Variants in NUMB observed in about 807,000 individuals in gnomAD.
NUMB encodes NUMB endocytic adaptor protein, also known as protein numb homolog.
Under a neutral mutation model 59.7 loss-of-function variants are expected in NUMB, and 29 were observed. The observed-to-expected ratio is 0.49, with a 90% CI of 0.36 to 0.66. The LOEUF (loss-of-function observed/expected upper bound fraction) is 0.66, where lower values mean the gene tolerates loss of function less well. Ranked by LOEUF, NUMB falls within the 30% of genes least tolerant of loss-of-function variation. The pLI is 0.00. For synonymous variants in NUMB, 288 were observed against 288.2 expected, an observed-to-expected ratio of 1.00 and a Z score of 0.01; for missense variants, 723 against 822.0, an observed-to-expected ratio of 0.88 and a Z score of 1.47.
chr14:73,361,223 G>C (rs1310744635), intron 3 of NUMB, among the ~76,000 whole-genome samples: 1 of 152,128 alleles, frequency 6.6e-6, no homozygotes, highest in Non-Finnish European at 1.5e-5. Flanking sequence ...CATTGCTTCA[G>C]CTCTTCCTTG....
chr14:73,380,724 G>GGT (rs1555376367), intron 2 of NUMB, among the ~76,000 whole-genome samples: 5 of 131,182 alleles, frequency 3.8e-5, no homozygotes, highest in Admixed American at 1.6e-4. Flanking sequence ...TCATCAATTA[G>GGT]TTTTTTTTTT....
chr14:73,343,326 GA>G (rs1430215742), intron 4 of NUMB, among the ~76,000 whole-genome samples: 4 of 151,700 alleles, frequency 2.6e-5, no homozygotes, highest in South Asian at 2.1e-4. Context: ...GTCTAAGGGG[GA>G]AAAAAAGATA....
chr14:73,284,192 A>G lies in NUMB; in HGVS notation c.838T>C (p.Phe280Leu), dbSNP rs1424949672. 2 of 1,614,168 alleles carry G rather than the reference A, an allele frequency of 1.2e-6. No homozygotes were observed. The highest frequency in any genetic ancestry group is 4.5e-5 in the East Asian group (2 of 44,886). Reference protein sequence around the residue: ...QLARQGSFRGFPALSQKMSPF... With the variant: ...QLARQGSFRGLPALSQKMSPF... ...GACATCTTCTGGCTAAGAGCAGGAA[A>G]ACCTCGGAAAGAGCCTTGGCGAGCA... The change falls in exon 10 of 13, where the codon TTT becomes CTT. Residue 280 changes from phenylalanine to leucine, a missense_variant. Phe to Leu is a conservative substitution (Grantham distance 22). This residue lies in a region of NUMB where 317 missense variants were observed against 436.6 expected (regional missense o/e 0.73). Coordinates refer to ENST00000555238, the MANE Select transcript of NUMB (RefSeq NM_001005743.2).
rs149356823 is a variant in NUMB at position 73,287,190 on chromosome 14, T to A, written c.575A>T (p.Glu192Val). The A allele has an allele frequency of 6.6e-5, 107 of 1,613,676 alleles. No individual in the cohort carries two copies. The highest frequency in any genetic ancestry group is 9.1e-5 in the Non-Finnish European group (107 of 1,179,982). The change falls in exon 9 of 13, where the codon GAA becomes GTA. Residue 192 changes from glutamate to valine, a missense_variant. Glu to Val is a moderately radical substitution (Grantham distance 121). This residue lies in a region of NUMB where 317 missense variants were observed against 436.6 expected (regional missense o/e 0.73). Transcript: ENST00000555238. ...FDASRTTFTR[E>V]GSFRVTTATE... ...GGCTGTTGTGACACGGAATGATCCT[T>A]CTCTTGTAAAAGTGGTCCGACTAGC...
chr14:73,328,073 G>C (rs1418552868), intron 4 of NUMB, among the ~76,000 whole-genome samples: 1 of 152,136 alleles, frequency 6.6e-6, no homozygotes, highest in East Asian at 1.9e-4. Context: ...TCAGGAGTTT[G>C]AGACCAGCCT....
intron 1 of NUMB, among the ~76,000 whole-genome samples, chr14:73,432,371 A>T (rs952475163): frequency 2.0e-5 from 3 of 152,122 alleles, no homozygotes; most frequent in African/African-American, 7.2e-5. Context: ...GTATATAGAG[A>T]TAAGATACAT....
chr14:73,314,470 C>T (rs1020596162), intron 6 of NUMB, among the ~76,000 whole-genome samples: 3 of 151,906 alleles, frequency 2.0e-5, no homozygotes, highest in African/African-American at 7.3e-5. Flanking sequence ...GAAAAAGCTA[C>T]CCAACACAGT....
chr14:73,281,998 A>T (rs1470736570), intron 11 of NUMB, among the ~76,000 whole-genome samples: 1 of 152,196 alleles, frequency 6.6e-6, no homozygotes, highest in Admixed American at 6.5e-5. Context: ...CCACTACACT[A>T]AAGAAAGCAT....
At chr14:73,286,453 G>A (rs536933696) in intron 9 of NUMB, 1 of 152,368 alleles carries the variant, frequency 6.6e-6, no homozygotes, top group East Asian at 1.9e-4. Flanking sequence ...TCATTTAGTT[G>A]TAAAATATAC....
At chr14:73,288,668 T>A (rs1157828220) in intron 8 of NUMB, among the ~76,000 whole-genome samples, 1 of 152,120 alleles carries the variant, frequency 6.6e-6, no homozygotes, top group East Asian at 1.9e-4. Flanking sequence ...AAGACCAGCC[T>A]GACCAACATG....
intron 9 of NUMB, chr14:73,286,302 T>C (rs1382164555): frequency 2.0e-5 from 3 of 148,980 alleles, no homozygotes; most frequent in Non-Finnish European, 3.0e-5. Context: ...CCTCCTAAAG[T>C]ATTGAGATTA....
intron 3 of NUMB, among the ~76,000 whole-genome samples, chr14:73,363,033 T>C (rs1311069291): frequency 6.6e-6 from 1 of 152,116 alleles, no homozygotes; most frequent in Non-Finnish European, 1.5e-5. Context: ...CAGTGGCTCA[T>C]GCCTGTAATC....
intron 3 of NUMB, among the ~76,000 whole-genome samples, chr14:73,359,013 T>C (rs1358075708): frequency 6.6e-6 from 1 of 152,214 alleles, no homozygotes; most frequent in African/African-American, 2.4e-5. Context: ...TCTGTCTAAA[T>C]AGATCTAGTA....
At chr14:73,295,703 ATTTT>A (rs556732854) in intron 7 of NUMB, among the ~76,000 whole-genome samples, 4 of 148,462 alleles carry the variant, frequency 2.7e-5, no homozygotes, top group Admixed American at 2.7e-4. Context: ...TGGCATTTGA[ATTTT>A]TTTTTTTTAA....
At chr14:73,304,085 T>C (rs1594884872) in intron 6 of NUMB, among the ~76,000 whole-genome samples, 1 of 152,276 alleles carries the variant, frequency 6.6e-6, no homozygotes, top group East Asian at 1.9e-4. Context: ...TCAGGAAACT[T>C]GTACCAGAAG....
At chr14:73,456,631 C>T (rs1317860189) in intron 1 of NUMB, among the ~76,000 whole-genome samples, 1 of 152,164 alleles carries the variant, frequency 6.6e-6, no homozygotes, top group Non-Finnish European at 1.5e-5. Context: ...ACTAATAAAT[C>T]ACAATCCACA....
chr14:73,352,524 A>T (rs1360090330), intron 4 of NUMB, among the ~76,000 whole-genome samples: 16 of 14,236 alleles, frequency 1.1e-3, no homozygotes, highest in East Asian at 6.2e-3. Context: ...ATATATATAT[A>T]TATATGTTTT....
At chr14:73,289,805 A>G (rs941887501) in intron 8 of NUMB, among the ~76,000 whole-genome samples, 4 of 152,232 alleles carry the variant, frequency 2.6e-5, no homozygotes, top group African/African-American at 7.2e-5. Context: ...GAGTACTGAA[A>G]GATTCTTAGA....
At position 73,292,763 on chromosome 14, in the gene NUMB, A is replaced by G; in HGVS notation, c.421T>C (p.Cys141Arg). Residue 141 changes from cysteine (C) to arginine (R), a missense_variant, in exon 8 of 13, where the codon TGT becomes CGT. Physicochemically the swap from Cys to Arg is radical, Grantham distance 180. Coordinates refer to ENST00000555238, the MANE Select transcript of NUMB (RefSeq NM_001005743.2). ...TCCTTGACAGCCATGAAGCAGTGAC[A>G]GATCCAGCGACGAGTGGTGCCATCA... ...CRDGTTRRWI[C>R]HCFMAVKDTG... 6.2e-7 allele frequency: 1 copy of G among 1,614,262 alleles called. No homozygotes were observed. Among genetic ancestry groups the G allele is most frequent in the Non-Finnish European group, 8.5e-7 (1 of 1,180,038 alleles).
Sources: allele counts gnomAD v4.1 joint callset (sites outside exome capture counted in the v4.1 genomes callset), GRCh38; gene constraint gnomAD v4.1.1; regional missense constraint gnomAD v4.1.1; transcripts MANE v1.5; gene names NCBI Gene and HGNC (gene_info 2026-07-23, HGNC 2026-07-21).